PLCXD3: variants seen among roughly 807,000 people sequenced by gnomAD.
The protein encoded by PLCXD3 is PI-PLC X domain-containing protein 3.
PLCXD3 carries 19 observed loss-of-function variants against 25.5 expected under a neutral mutation model. That is an observed-to-expected ratio of 0.75 (90% CI 0.52 to 1.09). The LOEUF (loss-of-function observed/expected upper bound fraction) is 1.09. Ranked by LOEUF, PLCXD3 falls within the 50% of genes least tolerant of loss-of-function variation. The probability of loss-of-function intolerance (pLI) is 0.00; values close to 1 mark genes in which losing one functional copy is unlikely to be tolerated. For missense variants in PLCXD3, 411 were observed against 388.1 expected (o/e 1.06, Z -0.50); for synonymous variants, 174 against 137.6 (o/e 1.26, Z -1.85).
In PLCXD3 at chr5:41,462,781, T is replaced by TCTTTCTCAAAAAGAAA. The variant is rs1294390304; in HGVS notation, c.103+47642_103+47643insTTTCTTTTTGAGAAAG. Among the ~76,000 whole-genome samples the TCTTTCTCAAAAAGAAA allele has an allele frequency of 3.8e-3, 570 of 150,860 alleles. 5 individuals carry two copies. Among genetic ancestry groups the TCTTTCTCAAAAAGAAA allele is most frequent in the African/African-American group, 0.012 (479 of 41,076 alleles). On this transcript the variant is annotated intron_variant, in intron 1 of 2. Coordinates refer to ENST00000377801, the MANE Select transcript of PLCXD3 (RefSeq NM_001005473.3). ...GCCTGGGCAAAAGAATGAAACTCTG[T>TCTTTCTCAAAAAGAAA]CTCAAAAAGAAAAAAAAAAGAAAAA...
At chr5:41,475,001 G>A (rs1262516598) in intron 1 of PLCXD3, among the ~76,000 whole-genome samples, 6 of 152,174 alleles carry the variant, frequency 3.9e-5, no homozygotes, top group African/African-American at 1.4e-4. Flanking sequence ...CATTTCTGCA[G>A]CCACAGAAGA....
rs537009858 is a variant in PLCXD3, at chr5:41,417,610, T to G, written c.104-35076A>C. On this transcript the variant is annotated intron_variant, in intron 1 of 2. Transcript: ENST00000377801. ...GAAAATCCTGGAACAGAATAACACA[T>G]TGATATTAACTACTCTCTGATTAAC... 4.6e-5 allele frequency among the ~76,000 whole-genome samples: 7 copies of G among 152,318 alleles called. No homozygotes were observed. In the East Asian group the frequency reaches 1.3e-3, roughly 29 times the overall value.
intron 2 of PLCXD3, among the ~76,000 whole-genome samples, chr5:41,342,346 A>G (rs1189148413): frequency 6.6e-6 from 1 of 152,138 alleles, no homozygotes. Flanking sequence ...AGGAGAGACT[A>G]AACTTTCTAG....
chr5:41,451,079 G>T (rs1747618634), intron 1 of PLCXD3, among the ~76,000 whole-genome samples: 1 of 151,976 alleles, frequency 6.6e-6, no homozygotes, highest in African/African-American at 2.4e-5. Flanking sequence ...TGTGTCAGAG[G>T]AAATAAATGG....
At chr5:41,477,538 C>A (rs1016588405) in intron 1 of PLCXD3, among the ~76,000 whole-genome samples, 1 of 152,062 alleles carries the variant, frequency 6.6e-6, no homozygotes, top group Non-Finnish European at 1.5e-5. Flanking sequence ...GAATCAGGTG[C>A]ATATTTTCAC....
At chr5:41,323,264 T>A (rs916889785) in intron 2 of PLCXD3, among the ~76,000 whole-genome samples, 3 of 151,868 alleles carry the variant, frequency 2.0e-5, no homozygotes, top group Non-Finnish European at 4.4e-5. Context: ...GGTTAAAAAG[T>A]ATAAAAAAAA....
chr5:41,370,856 C>T (rs912645519), intron 2 of PLCXD3, among the ~76,000 whole-genome samples: 3 of 152,110 alleles, frequency 2.0e-5, no homozygotes, highest in South Asian at 2.1e-4. Context: ...TGTGAAACCT[C>T]GGGAAGACAA....
chr5:41,336,077 A>G (rs1743971068), intron 2 of PLCXD3, among the ~76,000 whole-genome samples: 1 of 152,176 alleles, frequency 6.6e-6, no homozygotes, highest in Admixed American at 6.6e-5. Context: ...GAGCTTTGGA[A>G]TCAGACAGAG....
chr5:41,330,789 A>G (rs1258021636), intron 2 of PLCXD3, among the ~76,000 whole-genome samples: 3 of 152,292 alleles, frequency 2.0e-5, no homozygotes, highest in Non-Finnish European at 4.4e-5. Context: ...GGCTGGTTCA[A>G]TATATGCAAA....
At chr5:41,507,142 A>C (rs1280500913) in intron 1 of PLCXD3, among the ~76,000 whole-genome samples, 1 of 152,048 alleles carries the variant, frequency 6.6e-6, no homozygotes, top group East Asian at 1.9e-4. Context: ...CAGAGTTAGA[A>C]CTCTGTTTCA....
chr5:41,478,364 G>T (rs1748325205), intron 1 of PLCXD3, among the ~76,000 whole-genome samples: 1 of 152,054 alleles, frequency 6.6e-6, no homozygotes, highest in South Asian at 2.1e-4. Flanking sequence ...TCAAATATTT[G>T]GTCCCTTACC....
At chr5:41,391,838 C>G (rs1745834591) in intron 1 of PLCXD3, among the ~76,000 whole-genome samples, 2 of 152,018 alleles carry the variant, frequency 1.3e-5, no homozygotes, top group African/African-American at 4.8e-5. Flanking sequence ...AAGGGTGAGT[C>G]CCAGGCCAGG....
chr5:41,368,540 C>T (rs1281976272), intron 2 of PLCXD3, among the ~76,000 whole-genome samples: 1 of 152,072 alleles, frequency 6.6e-6, no homozygotes, highest in African/African-American at 2.4e-5. Flanking sequence ...TTTCTCTTGC[C>T]TGGTTGCTCT....
At chr5:41,498,596 T>C (rs1748889486) in intron 1 of PLCXD3, among the ~76,000 whole-genome samples, 1 of 151,650 alleles carries the variant, frequency 6.6e-6, no homozygotes, top group Non-Finnish European at 1.5e-5. Context: ...TAATGCCAAT[T>C]CTTCTCACAC....
At chr5:41,434,824 A>G (rs1001056399) in intron 1 of PLCXD3, among the ~76,000 whole-genome samples, 2 of 152,144 alleles carry the variant, frequency 1.3e-5, no homozygotes, top group Non-Finnish European at 2.9e-5. Context: ...TTGTTTTCAC[A>G]GGGCTGCTAT....
chr5:41,378,684 G>T (rs574102709), intron 2 of PLCXD3, among the ~76,000 whole-genome samples: 1 of 152,140 alleles, frequency 6.6e-6, no homozygotes, highest in South Asian at 2.1e-4. Flanking sequence ...ATTTAAATAG[G>T]ATTCATCACT....
At chr5:41,477,766 G>A (rs1443143379) in intron 1 of PLCXD3, among the ~76,000 whole-genome samples, 2 of 152,002 alleles carry the variant, frequency 1.3e-5, no homozygotes, top group Non-Finnish European at 1.5e-5. Flanking sequence ...ATCCACTCCC[G>A]ACTATACCCT....
intron 1 of PLCXD3, among the ~76,000 whole-genome samples, chr5:41,410,403 A>AG (rs1235372196): frequency 6.6e-6 from 1 of 151,712 alleles, no homozygotes; most frequent in Non-Finnish European, 1.5e-5. Context: ...TCAACCTCCC[A>AG]AAGTGCTGGG....
chr5:41,324,698 C>T (rs769840823), intron 2 of PLCXD3, among the ~76,000 whole-genome samples: 1 of 152,218 alleles, frequency 6.6e-6, no homozygotes, highest in Non-Finnish European at 1.5e-5. Context: ...ACTTTCTCTT[C>T]TGGCCTTGCT....
Sources: gnomAD v4.1 joint callset for allele counts (sites outside exome capture counted in the v4.1 genomes callset) on GRCh38, gnomAD v4.1.1 for gene constraint, MANE v1.5 for transcripts, NCBI Gene and HGNC (gene_info 2026-07-23, HGNC 2026-07-21) for gene names.